CAPN15: variants seen among roughly 807,000 people sequenced by gnomAD.
The protein encoded by CAPN15 is calpain 15, also known as calpain-15.
CAPN15 carries 53 observed loss-of-function variants against 97.9 expected under a neutral mutation model. That is an observed-to-expected ratio of 0.54 (90% CI 0.43 to 0.68). The LOEUF is 0.68. CAPN15 is among the 30% of genes least tolerant of loss of function. The pLI is 0.00. For missense variants in CAPN15, 1,592 were observed against 1,589.8 expected (o/e 1.00, Z -0.02); for synonymous variants, 922 against 722.5 (o/e 1.28, Z -4.43).
chr16:533,837 CCCGG>C (rs2141956481), intron 1 of CAPN15, 105 bp from the exon 2 acceptor site: 2 of 415,032 alleles, frequency 4.8e-6, no homozygotes, highest in African/African-American at 4.3e-5. Context: ...GGGCTGATTT[CCCGG>C]GACTCTGGCT....
intron 1 of CAPN15, chr16:528,634 G>A (rs1266915881): frequency 4.0e-6 from 3 of 743,094 alleles, no homozygotes; most frequent in Non-Finnish European, 4.9e-6. Context: ...AGTCCTGACC[G>A]GGGGAACTCT....
rs939386860 is a variant in CAPN15, at chr16:552,629, C to T, written c.2762C>T (p.Pro921Leu). 68 of 1,536,778 alleles carry T rather than the reference C, an allele frequency of 4.4e-5. 1 individual carries two copies. The highest frequency in any genetic ancestry group is 5.1e-5 in the Non-Finnish European group (58 of 1,143,110). The change falls in exon 12 of 14, where the codon CCG (proline) becomes CTG (leucine). Residue 921 changes from proline to leucine, a missense_variant. This residue lies in a region of CAPN15 where 644 missense variants were observed against 699.6 expected (regional missense o/e 0.92). Transcript: ENST00000219611. The surrounding 1 kb of genome is among the most constrained non-coding windows in gnomAD (Gnocchi z 6.4). ...PQASSPSAGV[P>L]RASPEPPGHV... ...GCCTCCAGCCCCTCGGCAGGGGTCC[C>T]GAGAGCCTCCCCAGAGCCGCCGGGC...
rs759482365 is a variant in CAPN15 at position 547,774 on chromosome 16, C to A, written c.936C>A (p.Ala312=). The A allele has an allele frequency of 6.2e-7, 1 of 1,610,774 alleles. No individual in the cohort carries two copies. Residue 312 remains alanine, a synonymous_variant, in exon 4 of 14, where the codon GCC becomes GCA. Transcript: ENST00000219611. ...ATEGGTSRVE[A]GSSTSGSDII... ...AGGGTGGCACCAGCCGCGTAGAGGC[C>A]GGCAGCTCCACCTCGGGCAGTGACA...
chr16:529,244 T>A (rs2033072846), intron 1 of CAPN15, among the ~76,000 whole-genome samples: 1 of 152,150 alleles, frequency 6.6e-6, no homozygotes, highest in African/African-American at 2.4e-5. Flanking sequence ...GCTCAGTAAC[T>A]GCATAACTGC....
chr16:549,209 C>T lies in CAPN15; in HGVS notation c.1658+8C>T. 8.1e-7 allele frequency: 1 copy of T among 1,231,342 alleles called. No individual in the cohort carries two copies. Among genetic ancestry groups the T allele is most frequent in the South Asian group, 1.2e-5 (1 of 84,144 alleles). The allele number at this position is 1,231,342 out of a possible 1,614,324, so 76.3% of individuals were successfully genotyped here. ...GCTGCTGGGGAACTGCTGGTGAGGC[C>T]TTCTCCAAGGCCGGGGTGGGGCGGG... On this transcript the variant is annotated splice_region_variant and intron_variant, in intron 5 of 13. Coordinates refer to ENST00000219611, the MANE Select transcript of CAPN15 (RefSeq NM_005632.3).
chr16:533,635 G>A (rs1251582025), intron 1 of CAPN15, among the ~76,000 whole-genome samples: 5 of 152,148 alleles, frequency 3.3e-5, no homozygotes, highest in East Asian at 1.9e-4. Flanking sequence ...TGGGAGGTCC[G>A]GACAGGATCT....
chr16:551,662 C>T lies in CAPN15; in HGVS notation c.2343C>T (p.Val781=), dbSNP rs759714395. The part of the protein sequence containing the change: ...GVFWMEYGDF[V]RYFDSVDICK... ...TCTGGATGGAGTACGGCGACTTTGT[C>T]AGGTATCGGCACCGTGGGGCGGTGT... Residue 781 remains valine, a splice_region_variant and synonymous_variant, in exon 9 of 14, where the codon GTC becomes GTT. Transcript: ENST00000219611. 33 of 1,589,004 alleles carry T rather than the reference C, an allele frequency of 2.1e-5. No homozygotes were observed. Among genetic ancestry groups the T allele is most frequent in the Non-Finnish European group, 2.7e-5 (32 of 1,170,460 alleles).
intron 1 of CAPN15, among the ~76,000 whole-genome samples, chr16:531,832 G>T (rs2033286394): frequency 6.6e-6 from 1 of 152,272 alleles, no homozygotes; most frequent in African/African-American, 2.4e-5. Context: ...TTGGCCACCA[G>T]TGAGGTCACC....
intron 1 of CAPN15, among the ~76,000 whole-genome samples, chr16:532,171 C>T (rs983604231): frequency 1.4e-5 from 2 of 146,354 alleles, no homozygotes; most frequent in African/African-American, 2.6e-5. Context: ...ACCTGGGAGG[C>T]GGAGGTTGCA....
At chr16:550,725 AG>A (rs2142061250) in intron 7 of CAPN15, among the ~76,000 whole-genome samples, 3 of 101,830 alleles carry the variant, frequency 2.9e-5, no homozygotes, top group Non-Finnish European at 5.9e-5. Flanking sequence ...CCTGTCGGTG[AG>A]GGTCCCCGTC....
At chr16:542,779 C>T (rs527316711) in intron 3 of CAPN15, among the ~76,000 whole-genome samples, 37 of 152,058 alleles carry the variant, frequency 2.4e-4, no homozygotes, top group Middle Eastern at 3.4e-3. Context: ...TTTGGCCAGG[C>T]GCAGTAGCTC....
At chr16:529,535 G>C (rs576104182) in intron 1 of CAPN15, among the ~76,000 whole-genome samples, 1 of 152,336 alleles carries the variant, frequency 6.6e-6, no homozygotes, top group South Asian at 2.1e-4. Context: ...GTTCACACGA[G>C]GCAATTGGAG....
chr16:543,321 C>G (rs947174565), intron 3 of CAPN15: 1 of 154,594 alleles, frequency 6.5e-6, no homozygotes, highest in Non-Finnish European at 1.5e-5. Flanking sequence ...GGCCACACTC[C>G]CGGGATCCCC....
chr16:532,589 G>A (rs1306947272), intron 1 of CAPN15, among the ~76,000 whole-genome samples: 1 of 150,026 alleles, frequency 6.7e-6, no homozygotes, highest in African/African-American at 2.5e-5. Context: ...TGTGGCTCAC[G>A]CCTGTAATCC....
chr16:547,004 C>T lies in CAPN15; in HGVS notation c.166C>T (p.Arg56Cys), dbSNP rs1396250092. The change falls in exon 4 of 14, where the codon CGC becomes TGC. Residue 56 changes from arginine (R) to cysteine (C), a missense_variant. Around this residue, in one of 3 missense-constraint regions of CAPN15, gnomAD observed 883 missense variants for 776.6 expected, o/e 1.14. Coordinates refer to ENST00000219611, the MANE Select transcript of CAPN15 (RefSeq NM_005632.3). ...QKWPCARCTF[R>C]NFLGKEACEV... ...ATGGCCCTGCGCCCGCTGCACCTTCCGCAACTTCCTGGGCAAGGAGGCCTG... is the reference window on the plus strand; with the variant it reads ...ATGGCCCTGCGCCCGCTGCACCTTCTGCAACTTCCTGGGCAAGGAGGCCTG... The T allele has an allele frequency of 6.8e-6, 11 of 1,610,154 alleles. No homozygotes were observed. The highest frequency in any genetic ancestry group is 3.3e-5 in the Admixed American group (2 of 59,982).
At chr16:551,950 T>A in intron 9 of CAPN15, 101 bp from the exon 10 acceptor site, 3 of 1,282,638 alleles carry the variant, frequency 2.3e-6, no homozygotes, top group Non-Finnish European at 2.2e-6. Flanking sequence ...ACGGAGCAGC[T>A]GGCACCTGCT....
rs373989582 is a variant in CAPN15 at position 551,290 on chromosome 16, T to A, written c.2067-12T>A. On this transcript the variant is annotated splice_polypyrimidine_tract_variant and intron_variant, in intron 7 of 13. Transcript: ENST00000219611. The stretch of plus-strand genomic sequence containing the variant: ...GAGGGTCCCGGTCGGTGAGGGCCGC[T>A]CTGCCACACAGGTTCCTCATGGGTG... 29 of 1,581,480 alleles carry A rather than the reference T, an allele frequency of 1.8e-5. No individual in the cohort carries two copies. Among genetic ancestry groups the A allele is most frequent in the Non-Finnish European group, 2.5e-5 (29 of 1,163,178 alleles).
rs551656448 is a variant in CAPN15 at position 535,604 on chromosome 16, T to A, written c.-136-425T>A. On this transcript the variant is annotated intron_variant, in intron 2 of 13. Coordinates refer to ENST00000219611, the MANE Select transcript of CAPN15 (RefSeq NM_005632.3). This position sits in a 1 kb window ranked among gnomAD's most constrained non-coding sequence, Gnocchi z 6.2. ...GCGGGGAGCTGCACAGTTGGACTTG[T>A]GGGGGTCAGGCATGGATCCACACAG... Among the ~76,000 whole-genome samples, 1 of 152,124 alleles carries A rather than the reference T, an allele frequency of 6.6e-6. No homozygotes were observed.
rs764954538 is a variant in CAPN15 at position 553,428 on chromosome 16, T to C, written c.3173T>C (p.Phe1058Ser). 6.2e-7 allele frequency: 1 copy of C among 1,610,814 alleles called. No homozygotes were observed. The change falls in exon 14 of 14, where the codon TTC (phenylalanine) becomes TCC (serine). Residue 1058 changes from phenylalanine (F) to serine (S), a missense_variant. Phe to Ser is a radical substitution (Grantham distance 155). Coordinates refer to ENST00000219611, the MANE Select transcript of CAPN15 (RefSeq NM_005632.3). ...RLAHRKAAQA[F>S]LSDWTASKGT... ...GCACATCGCAAGGCAGCCCAGGCCT[T>C]CCTCAGTGACTGGACAGCCTCCAAG...
Sources: allele counts gnomAD v4.1 joint callset (sites outside exome capture counted in the v4.1 genomes callset), GRCh38; gene constraint gnomAD v4.1.1; regional missense constraint gnomAD v4.1.1; non-coding constraint Gnocchi (gnomAD v3.1); transcripts MANE v1.5; gene names NCBI Gene and HGNC (gene_info 2026-07-23, HGNC 2026-07-21).